Variants in CPTP observed in about 807,000 individuals in gnomAD.
CPTP encodes the protein GLTP domain-containing protein 1.
Under a neutral mutation model 5.7 loss-of-function variants are expected in CPTP, and 5 were observed. The ratio of observed to expected loss-of-function variants is 0.88; its 90% CI spans 0.46 to 1.86. The LOEUF (loss-of-function observed/expected upper bound fraction) is 1.86. CPTP is among the 40% of genes most tolerant of loss of function. CPTP has a pLI of 0.01. For missense variants in CPTP, 335 were observed against 306.5 expected (o/e 1.09, Z -0.69); for synonymous variants, 166 against 142.7 (o/e 1.16, Z -1.16).
In CPTP at chr1:1,327,003, C is replaced by G. The variant is rs764320694; in HGVS notation, c.93C>G (p.Pro31=). The change falls in exon 2 of 3, where the codon CCC becomes CCG. Residue 31 remains proline, a synonymous_variant. Coordinates refer to ENST00000343938, the MANE Select transcript of CPTP (RefSeq NM_001029885.2). The stretch of plus-strand genomic sequence containing the variant: ...AGAAGGAAGAGGTCTTGCTGGACCC[C>G]TACATTGCCAGCTGGAAGGGCCTGG... ...LDEKEEVLLD[P]YIASWKGLVR... 3.7e-6 allele frequency: 6 copies of G among 1,613,510 alleles called. No homozygotes were observed. Among genetic ancestry groups the G allele is most frequent in the Non-Finnish European group, 5.1e-6 (6 of 1,179,986 alleles).
In CPTP at chr1:1,327,928, G is replaced by T; in HGVS notation, c.*165G>T. 1.3e-6 allele frequency: 1 copy of T among 789,594 alleles called. No individual in the cohort carries two copies. The highest frequency in any genetic ancestry group is 1.8e-5 in the South Asian group (1 of 56,254). 48.9% of individuals were successfully genotyped at this position (789,594 alleles called of 1,614,324 possible). A position where few individuals can be genotyped will look rare whatever the true frequency, so the allele number is the denominator to read the frequency against. On this transcript the variant is annotated 3_prime_UTR_variant, in exon 3 of 3. Transcript: ENST00000343938. ...AGGAACCACAGACTGTGACAGAGAA[G>T]GTGGCGACCAGCCCAGAAGAGGCCC... is the stretch of plus-strand genomic sequence containing the variant.
rs1643352728 is a variant in CPTP at position 1,328,184 on chromosome 1, C to G, written c.*421C>G. Reference sequence around the variant, plus strand: ...GAGGCTCCATCCTTTCTCCTTTCTGCCAGCCGATGTGTCCTCATCTCAGGC... The same window carrying G: ...GAGGCTCCATCCTTTCTCCTTTCTGGCAGCCGATGTGTCCTCATCTCAGGC... On this transcript the variant is annotated 3_prime_UTR_variant, in exon 3 of 3. Coordinates refer to ENST00000343938, the MANE Select transcript of CPTP (RefSeq NM_001029885.2). The G allele has an allele frequency of 3.9e-6, 1 of 257,458 alleles. No individual in the cohort carries two copies. Among genetic ancestry groups the G allele is most frequent in the Non-Finnish European group, 7.5e-6 (1 of 132,504 alleles). The allele number at this position is 257,458 out of a possible 1,614,324, so 15.9% of individuals were successfully genotyped here. A position where few individuals can be genotyped will look rare whatever the true frequency, so the allele number is the denominator to read the frequency against.
rs563524688 is a variant in CPTP, at chr1:1,327,976, C to T, written c.*213C>T. 1.0e-3 allele frequency: 643 copies of T among 621,036 alleles called. 1 individual carries two copies. The highest frequency in any genetic ancestry group is 1.6e-3 in the Non-Finnish European group (569 of 357,812). The allele number at this position is 621,036 out of a possible 1,614,324, so 38.5% of individuals were successfully genotyped here. On this transcript the variant is annotated 3_prime_UTR_variant, in exon 3 of 3. Coordinates refer to ENST00000343938, the MANE Select transcript of CPTP (RefSeq NM_001029885.2). ...CCCACCCTCTCGGTCCGGAACAAGA[C>T]GCCTCGGCCACGGCTCCCCCTCGGC...
Position 1,327,453 on chromosome 1 carries a change from A to G in CPTP, c.335A>G (p.His112Arg), listed in dbSNP as rs1375122843. 3 of 1,574,380 alleles carry G rather than the reference A, an allele frequency of 1.9e-6. No individual in the cohort carries two copies. The highest frequency in any genetic ancestry group is 1.1e-5 in the South Asian group (1 of 88,186). ...ESGCRTVLRL[H>R]RALHWLQLFL... ...GGCTGCCGGACGGTGCTGCGCCTGC[A>G]CCGCGCCCTGCACTGGCTGCAGCTG... Residue 112 changes from histidine to arginine, a missense_variant, in exon 3 of 3, where the codon CAC becomes CGC. Physicochemically the swap from His to Arg is conservative, Grantham distance 29. Transcript: ENST00000343938.
At chr1:1,326,544 G>T (rs923859752) in intron 1 of CPTP, among the ~76,000 whole-genome samples, 10 of 152,244 alleles carry the variant, frequency 6.6e-5, no homozygotes, top group African/African-American at 1.9e-4. Flanking sequence ...GAAAGCACCA[G>T]CAGAGACACC....
Position 1,328,311 on chromosome 1 carries a change from G to A in CPTP, c.*548G>A, listed in dbSNP as rs1643355673. ...GGCAGAAACCCTCAACAGCAGTCTG[G>A]GCACTGTGGGGCTCTCCCCGCCTCT... On this transcript the variant is annotated 3_prime_UTR_variant, in exon 3 of 3. Coordinates refer to ENST00000343938, the MANE Select transcript of CPTP (RefSeq NM_001029885.2). 1 of 163,276 alleles carries A rather than the reference G, an allele frequency of 6.1e-6. No individual in the cohort carries two copies. The highest frequency in any genetic ancestry group is 1.3e-5 in the Non-Finnish European group (1 of 76,142). The allele number at this position is 163,276 out of a possible 1,614,324, so 10.1% of individuals were successfully genotyped here.
chr1:1,327,621 G>T lies in CPTP; in HGVS notation c.503G>T (p.Arg168Leu). 2 of 1,612,358 alleles carry T rather than the reference G, an allele frequency of 1.2e-6. No individual in the cohort carries two copies. Among genetic ancestry groups the T allele is most frequent in the African/African-American group, 2.7e-5 (2 of 75,052 alleles). ...GTGGCCTTCTGCACGCTGCCCACAC[G>T]CGAGGTCTTCCTGGAGGCCATGAAC... The part of the protein sequence containing the change: ...VTVAFCTLPT[R>L]EVFLEAMNVG... Residue 168 changes from arginine to leucine, a missense_variant, in exon 3 of 3, where the codon CGC becomes CTC. By Grantham distance (102) the Arg-to-Leu change is moderately radical. Coordinates refer to ENST00000343938, the MANE Select transcript of CPTP (RefSeq NM_001029885.2).
intron 1 of CPTP, among the ~76,000 whole-genome samples, chr1:1,326,293 G>A (rs1173594513): frequency 2.0e-5 from 3 of 152,152 alleles, no homozygotes; most frequent in Non-Finnish European, 4.4e-5. Flanking sequence ...GGGGCAGCCT[G>A]CCCGGCAGCA....
Position 1,327,881 on chromosome 1 carries a change from G to C in CPTP, c.*118G>C. 1 of 1,152,692 alleles carries C rather than the reference G, an allele frequency of 8.7e-7. No homozygotes were observed. The highest frequency in any genetic ancestry group is 1.2e-6 in the Non-Finnish European group (1 of 808,380). The allele number at this position is 1,152,692 out of a possible 1,614,324, so 71.4% of individuals were successfully genotyped here. On this transcript the variant is annotated 3_prime_UTR_variant, in exon 3 of 3. Coordinates refer to ENST00000343938, the MANE Select transcript of CPTP (RefSeq NM_001029885.2). ...CTGCGGGAACAGGAGATCCTCTGTC[G>C]CCCCTGTGAGCTGAGCTGGTTAGGA... is the stretch of plus-strand genomic sequence containing the variant.
In CPTP at chr1:1,327,680, G is replaced by C; in HGVS notation, c.562G>C (p.Gly188Arg). Reference protein sequence around the residue: ...GPPEQAVQMLGEALPFIQRVY... With the variant: ...GPPEQAVQMLREALPFIQRVY... ...CCCGGAGCAGGCCGTGCAGATGCTA[G>C]GCGAGGCCCTCCCCTTCATCCAGCG... is the stretch of plus-strand genomic sequence containing the variant. The change falls in exon 3 of 3, where the codon GGC becomes CGC. Residue 188 changes from glycine (G) to arginine (R), a missense_variant. Physicochemically the swap from Gly to Arg is moderately radical, Grantham distance 125. Transcript: ENST00000343938. 2 of 1,612,798 alleles carry C rather than the reference G, an allele frequency of 1.2e-6. No homozygotes were observed. The highest frequency in any genetic ancestry group is 1.7e-6 in the Non-Finnish European group (2 of 1,179,942).
At position 1,324,944 on chromosome 1, in the gene CPTP, C is replaced by T; in HGVS notation, c.-234C>T. 6.7e-6 allele frequency: 2 copies of T among 299,914 alleles called. No homozygotes were observed. Among genetic ancestry groups the T allele is most frequent in the Non-Finnish European group, 6.1e-6 (1 of 163,106 alleles). The allele number at this position is 299,914 out of a possible 1,614,324, so 18.6% of individuals were successfully genotyped here. A position where few individuals can be genotyped will look rare whatever the true frequency, so the allele number is the denominator to read the frequency against. ...GTCCTAGAGGGCCGGAGCGGGCGGG[C>T]GGCCGAGGACCCGGCTCCCGCGCAG... On this transcript the variant is annotated 5_prime_UTR_variant, in exon 1 of 3. Transcript: ENST00000343938.
At chr1:1,326,745 A>G (rs1643317692) in intron 1 of CPTP, 91 bp from the exon 2 acceptor site, 1 of 873,618 alleles carries the variant, frequency 1.1e-6, no homozygotes. Context: ...GAGCAGAGCC[A>G]GGCAGCTCCT....
At chr1:1,327,145 T>C in intron 2 of CPTP, 96 bp from the exon 3 acceptor site, 1 of 1,586,740 alleles carries the variant, frequency 6.3e-7, no homozygotes, top group Non-Finnish European at 8.5e-7. Context: ...CGTTTCCAGA[T>C]GGGTGTGAGC....
chr1:1,326,036 T>G (rs1643293611), intron 1 of CPTP, among the ~76,000 whole-genome samples: 1 of 152,174 alleles, frequency 6.6e-6, no homozygotes, highest in African/African-American at 2.4e-5. Context: ...CATGGGTGCC[T>G]GGATGTCTGT....
Position 1,326,930 on chromosome 1 carries a change from G to C in CPTP, c.20G>C (p.Gly7Ala), listed in dbSNP as rs763295581. The C allele has an allele frequency of 9.9e-6, 16 of 1,613,722 alleles. No homozygotes were observed. The highest frequency in any genetic ancestry group is 1.7e-6 in the Non-Finnish European group (2 of 1,179,994). Residue 7 changes from glycine (G) to alanine (A), a missense_variant, in exon 2 of 3, where the codon GGT (glycine) becomes GCT (alanine). By Grantham distance (60) the Gly-to-Ala change is moderately conservative (BLOSUM62 0). Coordinates refer to ENST00000343938, the MANE Select transcript of CPTP (RefSeq NM_001029885.2). MDDSETGFNLKVVLVSF... is the reference protein window; with the variant it reads MDDSETAFNLKVVLVSF... ...CAAAAAATGGATGACTCGGAGACAG[G>C]TTTCAATCTGAAAGTCGTCCTGGTC... is the stretch of plus-strand genomic sequence containing the variant.
chr1:1,327,735 C>A lies in CPTP; in HGVS notation c.617C>A (p.Ala206Asp). ...RVYNVSQKLY[A>D]EHSLLDLP ...TACAACGTCTCCCAGAAGCTCTACG[C>A]CGAGCACTCCCTGCTGGACCTGCCC... Residue 206 changes from alanine to aspartate, a missense_variant, in exon 3 of 3, where the codon GCC (alanine) becomes GAC (aspartate). Transcript: ENST00000343938. The A allele has an allele frequency of 1.2e-6, 2 of 1,612,416 alleles. No individual in the cohort carries two copies. The highest frequency in any genetic ancestry group is 1.7e-6 in the Non-Finnish European group (2 of 1,179,892).
At chr1:1,326,573 C>A (rs769961045) in intron 1 of CPTP, among the ~76,000 whole-genome samples, 12 of 152,334 alleles carry the variant, frequency 7.9e-5, no homozygotes, top group Middle Eastern at 3.4e-3. Context: ...ACAGCGGGGC[C>A]TAGTGGTCTG....
chr1:1,327,250 C>G lies in CPTP; in HGVS notation c.132C>G (p.Asn44Lys). 6.3e-7 allele frequency: 1 copy of G among 1,596,608 alleles called. No individual in the cohort carries two copies. Among genetic ancestry groups the G allele is most frequent in the Non-Finnish European group, 8.5e-7 (1 of 1,179,108 alleles). The change falls in exon 3 of 3, where the codon AAC becomes AAG. Residue 44 changes from asparagine to lysine, a missense_variant. Coordinates refer to ENST00000343938, the MANE Select transcript of CPTP (RefSeq NM_001029885.2). Reference sequence around the variant, plus strand: ...CCGCTCCCTTCCACAGGTTTCTGAACAGCCTGGGCACCATCTTCTCATTCA... The same window carrying G: ...CCGCTCCCTTCCACAGGTTTCTGAAGAGCCTGGGCACCATCTTCTCATTCA... The part of the protein sequence containing the change: ...ASWKGLVRFL[N>K]SLGTIFSFIS...
In CPTP at chr1:1,327,738, A is replaced by G; in HGVS notation, c.620A>G (p.Glu207Gly). ...VYNVSQKLYAEHSLLDLP is the reference protein window; with the variant it reads ...VYNVSQKLYAGHSLLDLP ...AACGTCTCCCAGAAGCTCTACGCCG[A>G]GCACTCCCTGCTGGACCTGCCCTAG... is the stretch of plus-strand genomic sequence containing the variant. Residue 207 changes from glutamate to glycine, a missense_variant, in exon 3 of 3, where the codon GAG (glutamate) becomes GGG (glycine). Transcript: ENST00000343938. 2 of 1,612,346 alleles carry G rather than the reference A, an allele frequency of 1.2e-6. No homozygotes were observed. Among genetic ancestry groups the G allele is most frequent in the Non-Finnish European group, 1.7e-6 (2 of 1,179,890 alleles).
Sources: allele counts gnomAD v4.1 joint callset (sites outside exome capture counted in the v4.1 genomes callset), GRCh38; gene constraint gnomAD v4.1.1; transcripts MANE v1.5; gene names NCBI Gene and HGNC (gene_info 2026-07-23, HGNC 2026-07-21).